NBEA: variants seen among roughly 807,000 people sequenced by gnomAD.
NBEA encodes the protein lysosomal-trafficking regulator 2.
NBEA carries 44 observed loss-of-function variants against 343.4 expected under a neutral mutation model. The ratio of observed to expected loss-of-function variants is 0.13; its 90% CI spans 0.10 to 0.16. NBEA has a LOEUF of 0.16. Among genes scored for constraint, NBEA ranks in the 10% least tolerant of loss-of-function variants. The probability of loss-of-function intolerance (pLI) is 1.00; values close to 1 mark genes in which losing one functional copy is unlikely to be tolerated. For missense variants in NBEA, 2,555 were observed against 3,631.3 expected, an observed-to-expected ratio of 0.70 and a Z score of 7.62; for synonymous variants, 1,175 against 1,238.7, an observed-to-expected ratio of 0.95 and a Z score of 1.08.
chr13:35,363,554 A>G (rs1389406206), intron 38 of NBEA, among the ~76,000 whole-genome samples: 1 of 151,872 alleles, frequency 6.6e-6, no homozygotes, highest in Non-Finnish European at 1.5e-5. Flanking sequence ...ATCTGCTAAC[A>G]GTTCTTATAT....
chr13:35,321,377 T>A (rs564430698), intron 36 of NBEA, among the ~76,000 whole-genome samples: 1 of 152,316 alleles, frequency 6.6e-6, no homozygotes, highest in East Asian at 1.9e-4. Flanking sequence ...TGGAGTTTGC[T>A]GGAGGTCCAC....
chr13:35,055,774 C>T (rs552276135), intron 6 of NBEA, among the ~76,000 whole-genome samples: 6 of 152,168 alleles, frequency 3.9e-5, no homozygotes, highest in South Asian at 2.1e-4. Context: ...GTGGAAGGAA[C>T]GTCACGCTGG....
chr13:35,252,604 T>C (rs1250671935), intron 34 of NBEA, among the ~76,000 whole-genome samples: 1 of 152,012 alleles, frequency 6.6e-6, no homozygotes, highest in Non-Finnish European at 1.5e-5. Flanking sequence ...TCCTTGATGG[T>C]TGATTAAAGA....
chr13:35,369,819 C>T (rs1233435590), intron 38 of NBEA, among the ~76,000 whole-genome samples: 5 of 151,954 alleles, frequency 3.3e-5, no homozygotes, highest in Non-Finnish European at 2.9e-5. Flanking sequence ...TTCTTCTTTT[C>T]GAATTTGGAT....
intron 41 of NBEA, among the ~76,000 whole-genome samples, chr13:35,525,665 G>C (rs116760982): frequency 2.0e-5 from 3 of 152,114 alleles, no homozygotes; most frequent in African/African-American, 7.2e-5. Flanking sequence ...CAGGATACTT[G>C]GTATCTTAGT....
intron 41 of NBEA, among the ~76,000 whole-genome samples, chr13:35,521,314 T>TA (rs2077703220): frequency 6.6e-6 from 1 of 152,220 alleles, no homozygotes; most frequent in Non-Finnish European, 1.5e-5. Context: ...CGATAGGCTT[T>TA]AAGCAGCAAA....
At chr13:35,017,111 C>T (rs538293747) in intron 1 of NBEA, among the ~76,000 whole-genome samples, 5 of 151,852 alleles carry the variant, frequency 3.3e-5, no homozygotes, top group South Asian at 2.1e-4. Flanking sequence ...GATCATCTGC[C>T]GCAGTGGGAA....
At chr13:35,353,308 A>G (rs1477291593) in intron 38 of NBEA, among the ~76,000 whole-genome samples, 2 of 151,990 alleles carry the variant, frequency 1.3e-5, no homozygotes, top group Admixed American at 6.6e-5. Flanking sequence ...GGTGGCGGGC[A>G]CCTGTAATCC....
chr13:35,022,198 A>G (rs903992593), intron 1 of NBEA, among the ~76,000 whole-genome samples: 4 of 152,076 alleles, frequency 2.6e-5, no homozygotes, highest in African/African-American at 7.2e-5. Context: ...TACTATATCT[A>G]TTGTTATAGA....
chr13:35,414,027 T>A (rs1181049167), intron 38 of NBEA, among the ~76,000 whole-genome samples: 1 of 152,140 alleles, frequency 6.6e-6, no homozygotes, highest in Non-Finnish European at 1.5e-5. Flanking sequence ...AAGTGGCTCC[T>A]GTCTGTTCAA....
intron 1 of NBEA, among the ~76,000 whole-genome samples, chr13:34,999,740 G>A (rs2061062034): frequency 1.3e-5 from 2 of 152,006 alleles, no homozygotes; most frequent in Admixed American, 1.3e-4. Context: ...AACCTTATGA[G>A]GTAGACACTA....
At chr13:35,091,451 A>G (rs1016638340) in intron 10 of NBEA, among the ~76,000 whole-genome samples, 7 of 152,002 alleles carry the variant, frequency 4.6e-5, no homozygotes, top group African/African-American at 1.7e-4. Context: ...AGCTGCTACA[A>G]TAAGGTAAGA....
chr13:35,015,569 A>T (rs1171831804), intron 1 of NBEA, among the ~76,000 whole-genome samples: 1 of 152,136 alleles, frequency 6.6e-6, no homozygotes, highest in East Asian at 1.9e-4. Context: ...TACTCTAACA[A>T]GTAAGATAAT....
At chr13:35,322,302 C>T (rs139219205) in intron 36 of NBEA, among the ~76,000 whole-genome samples, 2 of 152,236 alleles carry the variant, frequency 1.3e-5, no homozygotes, top group East Asian at 3.9e-4. Context: ...GGCCGGAGTC[C>T]ACCGTTCCCC....
intron 28 of NBEA, among the ~76,000 whole-genome samples, chr13:35,177,713 A>G (rs906535598): frequency 6.6e-6 from 1 of 151,826 alleles, no homozygotes; most frequent in African/African-American, 2.4e-5. Context: ...GGTGTTTCAC[A>G]TCAGATTCAA....
At chr13:35,090,250 G>A (rs1194226311) in intron 10 of NBEA, among the ~76,000 whole-genome samples, 1 of 151,754 alleles carries the variant, frequency 6.6e-6, no homozygotes, top group Non-Finnish European at 1.5e-5. Flanking sequence ...TTTCAGAGTA[G>A]CCCAGTATTC....
chr13:34,989,984 T>C (rs1236890894), intron 1 of NBEA, among the ~76,000 whole-genome samples: 4 of 151,032 alleles, frequency 2.6e-5, no homozygotes, highest in Non-Finnish European at 5.9e-5. Context: ...AGCTCCAAAA[T>C]AATTTTCTTT....
At chr13:35,439,695 C>T (rs1055068024) in intron 39 of NBEA, among the ~76,000 whole-genome samples, 3 of 151,944 alleles carry the variant, frequency 2.0e-5, no homozygotes, top group East Asian at 1.9e-4. Context: ...CAAACCTGCA[C>T]GTTGTGCACA....
intron 38 of NBEA, 39 bp from the exon 39 acceptor site, chr13:35,432,230 G>T: frequency 6.6e-7 from 1 of 1,522,886 alleles, no homozygotes; most frequent in East Asian, 2.4e-5. Flanking sequence ...GCTATGCATT[G>T]TTATTAATAG....
Sources: gnomAD v4.1 joint callset for allele counts (sites outside exome capture counted in the v4.1 genomes callset) on GRCh38, gnomAD v4.1.1 for gene constraint, MANE v1.5 for transcripts, NCBI Gene and HGNC (gene_info 2026-07-23, HGNC 2026-07-21) for gene names.